ROBO1: variants seen among roughly 807,000 people sequenced by gnomAD.
The protein encoded by ROBO1 is roundabout guidance receptor 1, also known as roundabout homolog 1.
Under a neutral mutation model 195.9 loss-of-function variants are expected in ROBO1, and 149 were observed. The observed-to-expected ratio is 0.76, with a 90% CI of 0.67 to 0.87. The LOEUF (loss-of-function observed/expected upper bound fraction) is 0.87, where lower values mean the gene tolerates loss of function less well. Among genes scored for constraint, ROBO1 ranks in the 40% least tolerant of loss-of-function variants. The probability of loss-of-function intolerance (pLI) is 0.00; values close to 1 mark genes in which losing one functional copy is unlikely to be tolerated. For missense variants in ROBO1, 1,933 were observed against 2,068.3 expected, an observed-to-expected ratio of 0.93 and a Z score of 1.27; for synonymous variants, 816 against 733.2, an observed-to-expected ratio of 1.11 and a Z score of -1.82.
At chr3:79,611,851 G>T (rs150129789) in intron 1 of ROBO1, among the ~76,000 whole-genome samples, 1 of 151,580 alleles carries the variant, frequency 6.6e-6, no homozygotes, top group Non-Finnish European at 1.5e-5. Flanking sequence ...AAAAACCTGC[G>T]CATTCTGCAT....
intron 3 of ROBO1, among the ~76,000 whole-genome samples, chr3:78,953,351 T>C (rs1339678961): frequency 2.7e-5 from 4 of 148,424 alleles, no homozygotes; most frequent in African/African-American, 1.0e-4. Context: ...AATTTTACTT[T>C]CTGTAAAATA....
intron 4 of ROBO1, among the ~76,000 whole-genome samples, chr3:78,807,283 T>A (rs1230368252): frequency 1.3e-5 from 2 of 152,222 alleles, no homozygotes; most frequent in African/African-American, 4.8e-5. Flanking sequence ...ACAAAGATTT[T>A]AAAGTTTAAA....
intron 1 of ROBO1, among the ~76,000 whole-genome samples, chr3:79,695,991 G>C (rs879449619): frequency 2.1e-4 from 32 of 151,318 alleles, no homozygotes; most frequent in Admixed American, 1.1e-3. Context: ...CCTTGGGGAG[G>C]GGGTTCTGTG....
chr3:79,039,688 G>A (rs1032733652), intron 3 of ROBO1, among the ~76,000 whole-genome samples: 6 of 151,094 alleles, frequency 4.0e-5, no homozygotes, highest in African/African-American at 1.2e-4. Context: ...CCAGCTACTC[G>A]GGAGACTGAG....
chr3:79,547,317 ACAAT>A (rs1942308104), intron 2 of ROBO1, among the ~76,000 whole-genome samples: 3 of 152,086 alleles, frequency 2.0e-5, no homozygotes, highest in Admixed American at 1.3e-4. Flanking sequence ...AATAAATGAA[ACAAT>A]CAATCATAGC....
chr3:79,479,353 C>T lies in ROBO1; in HGVS notation c.88+110471G>A, dbSNP rs553479249. Among the ~76,000 whole-genome samples, 391 of 152,260 alleles carry T rather than the reference C, an allele frequency of 2.6e-3. 1 individual carries two copies. The highest frequency in any genetic ancestry group is 8.1e-3 in the African/African-American group (338 of 41,552). ...GTGCAGGCTAGATCCCTCGCATGCGCACTTCACAATAGGGTTCACATTCCT... is the reference window on the plus strand; with the variant it reads ...GTGCAGGCTAGATCCCTCGCATGCGTACTTCACAATAGGGTTCACATTCCT... On this transcript the variant is annotated intron_variant, in intron 2 of 30. Transcript: ENST00000464233.
In ROBO1 at chr3:79,125,014, A is replaced by G. The variant is rs148089656; in HGVS notation, c.172+442T>C. Among the ~76,000 whole-genome samples, 427 of 152,266 alleles carry G rather than the reference A, an allele frequency of 2.8e-3. 2 individuals carry two copies. The highest frequency in any genetic ancestry group is 9.7e-3 in the African/African-American group (404 of 41,570). Reference sequence around the variant, plus strand: ...ATGTAAGTTGGTGGTTATGAATTACATCGCTCTAAGAGTTTTGCTTTCTTT... The same window carrying G: ...ATGTAAGTTGGTGGTTATGAATTACGTCGCTCTAAGAGTTTTGCTTTCTTT... On this transcript the variant is annotated intron_variant, in intron 3 of 30. Transcript: ENST00000464233.
intron 5 of ROBO1, among the ~76,000 whole-genome samples, chr3:78,731,838 T>G (rs2082293310): frequency 6.6e-6 from 1 of 152,114 alleles, no homozygotes; most frequent in Admixed American, 6.6e-5. Flanking sequence ...GTAAACCGCT[T>G]TTGACAGTTC....
intron 4 of ROBO1, among the ~76,000 whole-genome samples, chr3:78,882,135 A>G (rs1352583807): frequency 6.6e-6 from 1 of 152,132 alleles, no homozygotes; most frequent in East Asian, 1.9e-4. Flanking sequence ...AATATTACAA[A>G]TTTAGGAACA....
intron 1 of ROBO1, among the ~76,000 whole-genome samples, chr3:79,757,009 T>C (rs1704443167): frequency 6.6e-6 from 1 of 152,202 alleles, no homozygotes; most frequent in African/African-American, 2.4e-5. Flanking sequence ...CTTTTTATGG[T>C]TGAAAAAAAT....
At chr3:79,166,562 T>A (rs1301267788) in intron 2 of ROBO1, among the ~76,000 whole-genome samples, 2 of 143,356 alleles carry the variant, frequency 1.4e-5, no homozygotes, top group Non-Finnish European at 3.0e-5. Flanking sequence ...CTATTTTTCT[T>A]TTTTTTTTTT....
chr3:78,673,988 A>G (rs1708249795), intron 10 of ROBO1, among the ~76,000 whole-genome samples: 1 of 152,146 alleles, frequency 6.6e-6, no homozygotes, highest in Admixed American at 6.5e-5. Context: ...TAGAAGTTCA[A>G]GTGACTTGTC....
chr3:79,602,761 A>T (rs1944374466), intron 1 of ROBO1, among the ~76,000 whole-genome samples: 1 of 152,044 alleles, frequency 6.6e-6, no homozygotes, highest in South Asian at 2.1e-4. Context: ...TAGCCACACA[A>T]ATAACTTCTC....
At chr3:79,559,340 T>G (rs1025336893) in intron 2 of ROBO1, among the ~76,000 whole-genome samples, 1 of 152,212 alleles carries the variant, frequency 6.6e-6, no homozygotes, top group African/African-American at 2.4e-5. Flanking sequence ...GTTTTTCTTT[T>G]AACATACCTG....
Position 79,612,162 on chromosome 3 carries a change from G to A in ROBO1, c.-50-22201C>T, listed in dbSNP as rs1465954529. ...TCATCTAGCATTAGGTATATCTCCC[G>A]ATGCTATCCCTCCCCCCTCCCACCA... is the stretch of plus-strand genomic sequence containing the variant. On this transcript the variant is annotated intron_variant, in intron 1 of 30. Transcript: ENST00000464233. Among the ~76,000 whole-genome samples, 47 of 149,046 alleles carry A rather than the reference G, an allele frequency of 3.2e-4. 1 individual carries two copies. Among genetic ancestry groups the A allele is most frequent in the Admixed American group, 2.0e-4 (3 of 14,880 alleles).
At chr3:78,714,216 CACTT>C (rs1394123865) in intron 8 of ROBO1, among the ~76,000 whole-genome samples, 177 bp downstream of exon 8, 80 of 152,122 alleles carry the variant, frequency 5.3e-4, no homozygotes, top group Admixed American at 5.1e-3. Flanking sequence ...TTTCCTGTAA[CACTT>C]ACAGAGCTCC....
chr3:79,502,657 T>C (rs930878276), intron 2 of ROBO1, among the ~76,000 whole-genome samples: 2 of 151,982 alleles, frequency 1.3e-5, no homozygotes, highest in Non-Finnish European at 2.9e-5. Flanking sequence ...CCATGCGAGA[T>C]CCACTGGGTG....
chr3:79,144,262 T>C (rs2080594428), intron 2 of ROBO1, among the ~76,000 whole-genome samples: 1 of 152,086 alleles, frequency 6.6e-6, no homozygotes, highest in Non-Finnish European at 1.5e-5. Flanking sequence ...ACTGCCAAAA[T>C]TGTTTTCCAG....
chr3:79,592,411 T>C (rs1259628899), intron 1 of ROBO1, among the ~76,000 whole-genome samples: 1 of 152,012 alleles, frequency 6.6e-6, no homozygotes, highest in Non-Finnish European at 1.5e-5. Context: ...ATGTAGTAAG[T>C]GGCTAAAAAC....
Sources: gnomAD v4.1 joint callset for allele counts (sites outside exome capture counted in the v4.1 genomes callset) on GRCh38, gnomAD v4.1.1 for gene constraint, MANE v1.5 for transcripts, NCBI Gene and HGNC (gene_info 2026-07-23, HGNC 2026-07-21) for gene names.